Variants in PLXDC2 observed in about 807,000 individuals in gnomAD.
The protein encoded by PLXDC2 is plexin domain-containing protein 2.
Under a neutral mutation model 68.9 loss-of-function variants are expected in PLXDC2, and 40 were observed. The observed-to-expected ratio is 0.58, with a 90% CI of 0.45 to 0.76. The LOEUF is 0.76. Among genes scored for constraint, PLXDC2 ranks in the 30% least tolerant of loss-of-function variants. PLXDC2 has a pLI of 0.00. For synonymous variants in PLXDC2, 243 were observed against 234.2 expected (o/e 1.04, Z -0.34); for missense variants, 644 against 661.9 (o/e 0.97, Z 0.30).
intron 7 of PLXDC2, among the ~76,000 whole-genome samples, chr10:20,171,627 A>C (rs188333106): frequency 6.6e-6 from 1 of 152,222 alleles, no homozygotes; most frequent in East Asian, 1.9e-4. Flanking sequence ...AAAATCTAAA[A>C]TTTTCTGGGC....
intron 2 of PLXDC2, among the ~76,000 whole-genome samples, chr10:20,027,466 G>A (rs767374425): frequency 1.3e-5 from 2 of 152,106 alleles, no homozygotes; most frequent in Non-Finnish European, 2.9e-5. Flanking sequence ...ACAGGTGCCA[G>A]TACCTTGATC....
rs538785330 is a variant in PLXDC2 at position 19,863,225 on chromosome 10, G to A, written c.112+46034G>A. 5.2e-4 allele frequency among the ~76,000 whole-genome samples: 79 copies of A among 152,212 alleles called. 1 individual carries two copies. In the South Asian group the frequency reaches 0.016, roughly 31 times the overall value. On this transcript the variant is annotated intron_variant, in intron 1 of 13. Transcript: ENST00000377252. ...CCCTTTTCCCTCCGGGTTTTGTTTAGATGAATCTTGGATCTTGGGTAGATG... is the reference window on the plus strand; with the variant it reads ...CCCTTTTCCCTCCGGGTTTTGTTTAAATGAATCTTGGATCTTGGGTAGATG...
At chr10:20,033,636 A>G (rs1279563668) in intron 2 of PLXDC2, among the ~76,000 whole-genome samples, 3 of 152,096 alleles carry the variant, frequency 2.0e-5, no homozygotes, top group African/African-American at 7.2e-5. Context: ...GTGTGGGGTA[A>G]CTTCCCTTTA....
At chr10:20,039,517 T>C (rs1179786660) in intron 2 of PLXDC2, among the ~76,000 whole-genome samples, 1 of 152,198 alleles carries the variant, frequency 6.6e-6, no homozygotes, top group Non-Finnish European at 1.5e-5. Flanking sequence ...GAATATCTGA[T>C]CTATAGTATG....
intron 1 of PLXDC2, among the ~76,000 whole-genome samples, chr10:19,922,186 C>T (rs927039462): frequency 6.6e-6 from 1 of 152,164 alleles, no homozygotes; most frequent in African/African-American, 2.4e-5. Flanking sequence ...ATGTTTTACC[C>T]AGAGGACACC....
chr10:19,859,588 G>T (rs1430886365), intron 1 of PLXDC2, among the ~76,000 whole-genome samples: 3 of 152,056 alleles, frequency 2.0e-5, no homozygotes, highest in African/African-American at 7.2e-5. Flanking sequence ...TGTTGACCTG[G>T]GGACCTATCC....
intron 3 of PLXDC2, among the ~76,000 whole-genome samples, chr10:20,057,233 G>A (rs1836014814): frequency 6.6e-6 from 1 of 151,918 alleles, no homozygotes; most frequent in African/African-American, 2.4e-5. Flanking sequence ...TTAGCAAACT[G>A]TAAATGGAAT....
At chr10:20,072,096 C>G (rs1328802071) in intron 4 of PLXDC2, among the ~76,000 whole-genome samples, 1 of 152,058 alleles carries the variant, frequency 6.6e-6, no homozygotes, top group Non-Finnish European at 1.5e-5. Flanking sequence ...CCTGTAATCT[C>G]AGCACTTTAG....
At chr10:20,277,553 C>G (rs1213996830) in intron 13 of PLXDC2, among the ~76,000 whole-genome samples, 2 of 152,156 alleles carry the variant, frequency 1.3e-5, no homozygotes, top group Admixed American at 1.3e-4. Context: ...GTCATTTATT[C>G]ACAATCAAGT....
intron 2 of PLXDC2, among the ~76,000 whole-genome samples, chr10:20,034,708 C>A (rs77035800): frequency 0.02 from 3,057 of 152,256 alleles, 99 homozygotes; most frequent in African/African-American, 0.068. Context: ...GTGATACATA[C>A]AACATTTCTG....
chr10:19,975,144 T>C (rs1395981293), intron 1 of PLXDC2, among the ~76,000 whole-genome samples: 1 of 152,172 alleles, frequency 6.6e-6, no homozygotes, highest in East Asian at 1.9e-4. Flanking sequence ...TTTTCACCTT[T>C]AATAATTATC....
chr10:19,852,119 T>A (rs1325488741), intron 1 of PLXDC2, among the ~76,000 whole-genome samples: 1 of 152,066 alleles, frequency 6.6e-6, no homozygotes, highest in Admixed American at 6.6e-5. Flanking sequence ...AAACCATTTA[T>A]CAAGGCTGGG....
intron 1 of PLXDC2, among the ~76,000 whole-genome samples, chr10:19,953,844 A>C (rs757991244): frequency 6.6e-6 from 1 of 152,112 alleles, no homozygotes; most frequent in African/African-American, 2.4e-5. Flanking sequence ...TTTCTTTTAA[A>C]TATGACAGCA....
intron 1 of PLXDC2, among the ~76,000 whole-genome samples, chr10:19,867,067 T>C: frequency 6.8e-6 from 1 of 146,806 alleles, no homozygotes; most frequent in Admixed American, 6.8e-5. Context: ...TTTCCCTCTT[T>C]TTTTTTTTTT....
Position 20,288,170 on chromosome 10 carries a change from A to C in PLXDC2, c.*8351A>C, listed in dbSNP as rs1836184251. 1 of 152,214 alleles carries C rather than the reference A, an allele frequency of 6.6e-6. No homozygotes were observed. The highest frequency in any genetic ancestry group is 2.4e-5 in the African/African-American group (1 of 41,444). The allele number at this position is 152,214 out of a possible 1,614,324, so 9.4% of individuals were successfully genotyped here. A position where few individuals can be genotyped will look rare whatever the true frequency, so the allele number is the denominator to read the frequency against. Reference sequence around the variant, plus strand: ...TGAACCTAGTCAACCCCAAGCAAAAAGAATGACTATGTGTGTGAGTGCAGC... The same window carrying C: ...TGAACCTAGTCAACCCCAAGCAAAACGAATGACTATGTGTGTGAGTGCAGC... On this transcript the variant is annotated 3_prime_UTR_variant, in exon 14 of 14. Coordinates refer to ENST00000377252, the MANE Select transcript of PLXDC2 (RefSeq NM_032812.9).
At chr10:20,021,711 T>C (rs1835312957) in intron 2 of PLXDC2, among the ~76,000 whole-genome samples, 2 of 151,794 alleles carry the variant, frequency 1.3e-5, no homozygotes, top group South Asian at 4.1e-4. Context: ...ATTATTTTTA[T>C]TTTTTTGAGA....
chr10:20,065,509 G>C (rs949495472), intron 3 of PLXDC2, among the ~76,000 whole-genome samples: 1 of 152,116 alleles, frequency 6.6e-6, no homozygotes, highest in Non-Finnish European at 1.5e-5. Flanking sequence ...GGAGGGGATG[G>C]TTTTGGGATG....
chr10:20,037,311 A>G (rs180706130), intron 2 of PLXDC2, among the ~76,000 whole-genome samples: 1 of 150,614 alleles, frequency 6.6e-6, no homozygotes, highest in African/African-American at 2.4e-5. Flanking sequence ...TTGGCAGTTC[A>G]CCTAACTCTG....
At chr10:20,222,094 T>C (rs1438945517) in intron 12 of PLXDC2, among the ~76,000 whole-genome samples, 4 of 152,236 alleles carry the variant, frequency 2.6e-5, no homozygotes, top group Non-Finnish European at 5.9e-5. Context: ...AAAGCATTTT[T>C]ATTTAGGGGC....
Sources: allele counts gnomAD v4.1 joint callset (sites outside exome capture counted in the v4.1 genomes callset), GRCh38; gene constraint gnomAD v4.1.1; transcripts MANE v1.5; gene names NCBI Gene and HGNC (gene_info 2026-07-23, HGNC 2026-07-21).